Variants in KAZN observed in about 807,000 individuals in gnomAD.
KAZN encodes the protein kazrin.
KAZN carries 40 observed loss-of-function variants against 87.4 expected under a neutral mutation model. The ratio of observed to expected loss-of-function variants is 0.46; its 90% CI spans 0.36 to 0.60. KAZN has a LOEUF of 0.60. KAZN is among the 20% of genes least tolerant of loss of function. The probability of loss-of-function intolerance (pLI) is 0.00; values close to 1 mark genes in which losing one functional copy is unlikely to be tolerated. For missense variants in KAZN, 898 were observed against 1,073.9 expected (o/e 0.84, Z 2.29); for synonymous variants, 466 against 458.3 (o/e 1.02, Z -0.22).
At chr1:14,930,160 A>C (rs756987221) in intron 1 of KAZN, 1 of 799,406 alleles carries the variant, frequency 1.3e-6, no homozygotes, top group Non-Finnish European at 1.5e-6. Context: ...CGTGCTGGAC[A>C]CTGGGGACTG....
chr1:15,094,909 A>C lies in KAZN; in HGVS notation c.1523A>C (p.Tyr508Ser). The change falls in exon 10 of 15, where the codon TAC becomes TCC. Residue 508 changes from tyrosine (Y) to serine (S), a missense_variant. By Grantham distance (144) the Tyr-to-Ser change is moderately radical (BLOSUM62 -2). This residue lies in a region of KAZN where 521 missense variants were observed against 689.4 expected (regional missense o/e 0.76). Coordinates refer to ENST00000376030, the MANE Select transcript of KAZN (RefSeq NM_201628.3). The surrounding 1 kb of genome is among the most constrained non-coding windows in gnomAD (Gnocchi z 4.5). ...RRKLRLAIED[Y>S]RDAEAGRSLS... ...AAGCTGCGCCTGGCCATCGAGGACT[A>C]CCGTGATGCCGAGGCAGGCCGCAGG... The C allele has an allele frequency of 6.5e-7, 1 of 1,550,242 alleles. No homozygotes were observed. Among genetic ancestry groups the C allele is most frequent in the Non-Finnish European group, 8.7e-7 (1 of 1,146,520 alleles).
intron 1 of KAZN, among the ~76,000 whole-genome samples, chr1:14,840,087 AC>A (rs761833072): frequency 1.3e-5 from 2 of 151,492 alleles, no homozygotes; most frequent in South Asian, 4.2e-4. Context: ...CAGAAAACTG[AC>A]TTCCTTCACA....
At chr1:14,472,943 T>C (rs947314043) in intron 2 of KAZN, among the ~76,000 whole-genome samples, 1 of 152,030 alleles carries the variant, frequency 6.6e-6, no homozygotes, top group African/African-American at 2.4e-5. Flanking sequence ...GTTAGGAGAG[T>C]AAATTGCCTG....
rs138101829 is a variant in KAZN, at chr1:14,833,137, G to C, written c.227-127547G>C. 4.3e-3 allele frequency among the ~76,000 whole-genome samples: 654 copies of C among 152,342 alleles called. 7 individuals are homozygous for C. Among genetic ancestry groups the C allele is most frequent in the African/African-American group, 0.015 (611 of 41,580 alleles). Reference sequence around the variant, plus strand: ...CTGGTCTAGACTGTGTAGCCAGTGAGATGCCTCAGTCGAGTGCCCATCCTT... The same window carrying C: ...CTGGTCTAGACTGTGTAGCCAGTGACATGCCTCAGTCGAGTGCCCATCCTT... On this transcript the variant is annotated intron_variant, in intron 1 of 14. Coordinates refer to ENST00000376030, the MANE Select transcript of KAZN (RefSeq NM_201628.3).
intron 1 of KAZN, among the ~76,000 whole-genome samples, chr1:13,909,537 G>A (rs1447585218): frequency 6.6e-6 from 1 of 151,604 alleles, no homozygotes; most frequent in African/African-American, 2.4e-5. Context: ...TGGTCTTCTT[G>A]CACCCTGCTT....
intron 1 of KAZN, among the ~76,000 whole-genome samples, chr1:14,705,497 C>G (rs564226134): frequency 1.2e-4 from 19 of 152,290 alleles, no homozygotes; most frequent in Admixed American, 1.2e-3. Context: ...TATTGCAGTA[C>G]TATTCCCAAT....
At chr1:14,089,975 T>C (rs918823258) in intron 1 of KAZN, among the ~76,000 whole-genome samples, 7 of 152,180 alleles carry the variant, frequency 4.6e-5, no homozygotes, top group African/African-American at 2.4e-5. Flanking sequence ...AGAAGTTTGT[T>C]GATAATGTTT....
intron 1 of KAZN, among the ~76,000 whole-genome samples, chr1:14,154,083 T>A (rs576891234): frequency 1.3e-5 from 2 of 152,316 alleles, no homozygotes; most frequent in East Asian, 3.9e-4. Flanking sequence ...ACCTGTAGAT[T>A]GCTGTGAGTA....
chr1:14,674,862 C>A (rs1640121683), intron 1 of KAZN, among the ~76,000 whole-genome samples: 2 of 152,234 alleles, frequency 1.3e-5, no homozygotes, highest in Non-Finnish European at 1.5e-5. Flanking sequence ...TCATAGCTCA[C>A]TGCAGCTGCG....
At chr1:13,972,279 T>TTC in intron 1 of KAZN, among the ~76,000 whole-genome samples, 1 of 150,290 alleles carries the variant, frequency 6.7e-6, no homozygotes, top group East Asian at 1.9e-4. Flanking sequence ...TTCTTTTCTT[T>TTC]TTTTTTTTTT....
chr1:14,023,734 G>A (rs150126984), intron 1 of KAZN, among the ~76,000 whole-genome samples: 1 of 152,326 alleles, frequency 6.6e-6, no homozygotes, highest in African/African-American at 2.4e-5. Context: ...AGAATTGAGT[G>A]ACAGGAACCA....
At chr1:14,226,587 A>T (rs1647312689) in intron 2 of KAZN, among the ~76,000 whole-genome samples, 1 of 152,184 alleles carries the variant, frequency 6.6e-6, no homozygotes, top group African/African-American at 2.4e-5. Flanking sequence ...TTCTACCATA[A>T]AGACACATGC....
At chr1:14,624,732 T>C (rs1678986105) in intron 1 of KAZN, among the ~76,000 whole-genome samples, 1 of 152,244 alleles carries the variant, frequency 6.6e-6, no homozygotes, top group South Asian at 2.1e-4. Flanking sequence ...TGCCAAGTCA[T>C]GGCTGAACAC....
At position 14,720,812 on chromosome 1, in the gene KAZN, G is replaced by T. The variant is rs193104994; in HGVS notation, c.226+121589G>T. 4.7e-3 allele frequency among the ~76,000 whole-genome samples: 722 copies of T among 152,222 alleles called. 17 individuals carry two copies. Among genetic ancestry groups the T allele is most frequent in the Admixed American group, 0.028 (432 of 15,284 alleles). On this transcript the variant is annotated intron_variant, in intron 1 of 14. Coordinates refer to ENST00000376030, the MANE Select transcript of KAZN (RefSeq NM_201628.3). ...GCTCACTGCAACGTCTGCCTACCAGGTTCAAGTGATTCTCCCGCCTCAGCC... is the reference window on the plus strand; with the variant it reads ...GCTCACTGCAACGTCTGCCTACCAGTTTCAAGTGATTCTCCCGCCTCAGCC...
intron 1 of KAZN, among the ~76,000 whole-genome samples, chr1:14,024,039 G>T (rs1490466137): frequency 6.6e-6 from 1 of 152,202 alleles, no homozygotes; most frequent in Non-Finnish European, 1.5e-5. Flanking sequence ...GCACCCCACG[G>T]AGAAGGAAAT....
intron 2 of KAZN, among the ~76,000 whole-genome samples, chr1:14,390,380 G>A (rs56312718): frequency 0.074 from 11,318 of 152,234 alleles, 503 homozygotes; most frequent in East Asian, 0.15. Flanking sequence ...TGGAAAGGGC[G>A]AAATCATGAG....
At chr1:14,749,697 C>T (rs1644359466) in intron 1 of KAZN, among the ~76,000 whole-genome samples, 1 of 152,186 alleles carries the variant, frequency 6.6e-6, no homozygotes, top group Admixed American at 6.5e-5. Flanking sequence ...TGCGTCCTCA[C>T]ACAGGCACCA....
chr1:14,863,197 G>A (rs3845598), intron 1 of KAZN, among the ~76,000 whole-genome samples: 40,229 of 152,108 alleles, frequency 0.26, 5,730 homozygotes, highest in African/African-American at 0.36. Flanking sequence ...CTGTTCTCGC[G>A]TTTGCCATCA....
intron 1 of KAZN, among the ~76,000 whole-genome samples, chr1:14,939,408 T>A (rs1341246903): frequency 6.6e-6 from 1 of 152,138 alleles, no homozygotes; most frequent in African/African-American, 2.4e-5. Context: ...TAGCTAGGAC[T>A]ACAGGCACAC....
Sources: allele counts gnomAD v4.1 joint callset (sites outside exome capture counted in the v4.1 genomes callset), GRCh38; gene constraint gnomAD v4.1.1; regional missense constraint gnomAD v4.1.1; non-coding constraint Gnocchi (gnomAD v3.1); transcripts MANE v1.5; gene names NCBI Gene and HGNC (gene_info 2026-07-23, HGNC 2026-07-21).